CAST: variants seen among roughly 807,000 people sequenced by gnomAD.
The protein encoded by CAST is calpastatin, also known as MIR583 host.
Under a neutral mutation model 119.6 loss-of-function variants are expected in CAST, and 76 were observed. The observed-to-expected ratio is 0.64, with a 90% CI of 0.53 to 0.77. The LOEUF is 0.77. Ranked by LOEUF, CAST falls within the 30% of genes least tolerant of loss-of-function variation. The pLI is 0.00. For missense variants in CAST, 953 were observed against 946.5 expected, an observed-to-expected ratio of 1.01 and a Z score of -0.09; for synonymous variants, 319 against 331.6, an observed-to-expected ratio of 0.96 and a Z score of 0.41.
At chr5:96,077,516 AC>A in the CAST span, among the ~76,000 whole-genome samples, 1 of 152,140 alleles carries the variant, frequency 6.6e-6, no homozygotes, top group Non-Finnish European at 1.5e-5. Flanking sequence ...TATTTGATCC[AC>A]CCAAACTTCA....
chr5:96,495,245 T>A, the CAST span, among the ~76,000 whole-genome samples: 4 of 152,088 alleles, frequency 2.6e-5, no homozygotes, highest in African/African-American at 9.7e-5. Context: ...GTAGATCAAC[T>A]GTTTTTTGTT....
chr5:96,053,781 T>G, the CAST span, among the ~76,000 whole-genome samples: 1 of 152,136 alleles, frequency 6.6e-6, no homozygotes, highest in Non-Finnish European at 1.5e-5. Context: ...TATTACTCAG[T>G]TTTTCTGGGA....
chr5:96,396,561 CAAAAA>C, the CAST span, among the ~76,000 whole-genome samples: 3 of 122,434 alleles, frequency 2.5e-5, no homozygotes, highest in Admixed American at 2.4e-4. Flanking sequence ...GACTCCGTCT[CAAAAA>C]AAAAAAAAAA....
At chr5:96,731,781 C>T (rs1581169743) in intron 9 of CAST, among the ~76,000 whole-genome samples, 1 of 150,102 alleles carries the variant, frequency 6.7e-6, no homozygotes, top group South Asian at 2.1e-4. Flanking sequence ...CGATAGTTTA[C>T]TGAGAATGAT....
the CAST span, among the ~76,000 whole-genome samples, chr5:96,498,610 T>C: frequency 6.6e-6 from 1 of 152,228 alleles, no homozygotes; most frequent in Non-Finnish European, 1.5e-5. Flanking sequence ...TAGCAGTGTG[T>C]AATAAAATAT....
chr5:96,268,537 C>T, the CAST span, among the ~76,000 whole-genome samples: 2 of 151,990 alleles, frequency 1.3e-5, no homozygotes, highest in Non-Finnish European at 1.5e-5. Context: ...ATGATTGCAC[C>T]ACTGCACTCC....
At chr5:96,595,528 A>C (rs1747037960) in intron 1 of CAST, among the ~76,000 whole-genome samples, 1 of 152,228 alleles carries the variant, frequency 6.6e-6, no homozygotes, top group Non-Finnish European at 1.5e-5. Context: ...TCCCAGAACA[A>C]GACCTCGAAA....
intron 1 of CAST, among the ~76,000 whole-genome samples, chr5:96,606,045 G>A (rs1217737444): frequency 6.6e-6 from 1 of 152,136 alleles, no homozygotes. Context: ...ACTCCTTTGG[G>A]TCAATCTGAG....
the CAST span, among the ~76,000 whole-genome samples, chr5:96,463,807 C>T: frequency 2.0e-5 from 3 of 152,188 alleles, no homozygotes; most frequent in Admixed American, 2.0e-4. Flanking sequence ...AACTCTCCTT[C>T]TCTTCCCCTT....
the CAST span, among the ~76,000 whole-genome samples, chr5:96,131,391 A>G: frequency 6.6e-6 from 1 of 151,892 alleles, no homozygotes; most frequent in African/African-American, 2.4e-5. Flanking sequence ...AATGGAATGC[A>G]GCTGTAAATT....
At chr5:96,523,880 C>A (rs1273903974), upstream of CAST, among the ~76,000 whole-genome samples, 1 of 152,164 alleles carries the variant, frequency 6.6e-6, no homozygotes, top group Non-Finnish European at 1.5e-5. Flanking sequence ...TCCCATTGGG[C>A]AAAACTTGGC....
the CAST span, among the ~76,000 whole-genome samples, chr5:96,002,277 C>G: frequency 1.2e-4 from 18 of 152,160 alleles, no homozygotes; most frequent in African/African-American, 4.3e-4. Flanking sequence ...TTCATTGGCT[C>G]TTTTAACTAG....
intron 2 of CAST, among the ~76,000 whole-genome samples, chr5:96,681,003 A>C (rs532422283): frequency 6.6e-6 from 1 of 152,274 alleles, no homozygotes; most frequent in African/African-American, 2.4e-5. Flanking sequence ...AGAGGCCAGC[A>C]CAGGCTCGCA....
At chr5:96,095,129 C>T in the CAST span, among the ~76,000 whole-genome samples, 1 of 152,182 alleles carries the variant, frequency 6.6e-6, no homozygotes, top group Non-Finnish European at 1.5e-5. Flanking sequence ...TATCTTGTGT[C>T]AGTCATTTTT....
chr5:96,263,574 C>T, the CAST span, among the ~76,000 whole-genome samples: 3 of 150,512 alleles, frequency 2.0e-5, no homozygotes, highest in African/African-American at 7.4e-5. Flanking sequence ...AGGATCCTTA[C>T]CATGGAAAAA....
the CAST span, among the ~76,000 whole-genome samples, chr5:96,135,680 G>A: frequency 6.6e-6 from 1 of 152,028 alleles, no homozygotes; most frequent in Non-Finnish European, 1.5e-5. Context: ...CCATTGTCTT[G>A]TGTTTCTGCC....
the CAST span, among the ~76,000 whole-genome samples, chr5:96,471,791 T>G: frequency 5.3e-5 from 8 of 151,868 alleles, no homozygotes; most frequent in African/African-American, 1.9e-4. Flanking sequence ...TGTGTGTGTG[T>G]GTGTGTGATT....
upstream of CAST, among the ~76,000 whole-genome samples, chr5:96,527,802 G>A (rs1745623025): frequency 6.6e-6 from 1 of 152,116 alleles, no homozygotes; most frequent in African/African-American, 2.4e-5. Flanking sequence ...CCATGAGGTG[G>A]GACTATGCTG....
chr5:96,393,930 A>G, the CAST span, among the ~76,000 whole-genome samples: 2 of 152,172 alleles, frequency 1.3e-5, no homozygotes, highest in African/African-American at 2.4e-5. Flanking sequence ...ACCTTGGCCA[A>G]CTGCTGTGGA....
Sources: allele counts gnomAD v4.1 joint callset (sites outside exome capture counted in the v4.1 genomes callset), GRCh38; gene constraint gnomAD v4.1.1; transcripts MANE v1.5; gene names NCBI Gene and HGNC (gene_info 2026-07-23, HGNC 2026-07-21).